The following CNOT1 variants were observed in gnomAD, a reference collection of about 807,000 sequenced individuals.
CNOT1 encodes the protein CCR4-NOT transcription complex subunit 1, also known as CCR4-associated factor 1.
Under a neutral mutation model 273.8 loss-of-function variants are expected in CNOT1, and 15 were observed. The observed-to-expected ratio is 0.05, with a 90% CI of 0.04 to 0.08. The LOEUF is 0.08. CNOT1 is among the 10% of genes least tolerant of loss of function. The pLI, the probability that CNOT1 is intolerant of heterozygous loss-of-function variation, is 1.00. For synonymous variants in CNOT1, 1,022 were observed against 1,005.5 expected, an observed-to-expected ratio of 1.02 and a Z score of -0.31; for missense variants, 1,644 against 2,912.2, an observed-to-expected ratio of 0.56 and a Z score of 10.02.
intron 1 of CNOT1, among the ~76,000 whole-genome samples, chr16:58,608,967 T>C (rs892459954): frequency 1.3e-5 from 2 of 152,010 alleles, no homozygotes; most frequent in South Asian, 2.1e-4. Flanking sequence ...TTCAGGAGGA[T>C]TGGGGATTCA....
intron 16 of CNOT1, among the ~76,000 whole-genome samples, chr16:58,570,374 A>C (rs771337007): frequency 1.4e-4 from 21 of 152,180 alleles, no homozygotes; most frequent in Admixed American, 4.6e-4. Flanking sequence ...GCAGTGGCTC[A>C]TTTCTGTAAT....
chr16:58,606,336 C>A (rs1460888193), intron 1 of CNOT1, among the ~76,000 whole-genome samples: 1 of 152,014 alleles, frequency 6.6e-6, no homozygotes, highest in Non-Finnish European at 1.5e-5. Flanking sequence ...AAAAAGATCG[C>A]CTGAGCCCAG....
At chr16:58,594,919 G>A (rs755284253) in intron 2 of CNOT1, among the ~76,000 whole-genome samples, 78 of 151,686 alleles carry the variant, frequency 5.1e-4, no homozygotes, top group Admixed American at 9.2e-4. Flanking sequence ...GTTCAAGACC[G>A]GCCTGGCCAA....
chr16:58,537,908 T>C lies in CNOT1; in HGVS notation c.5397A>G (p.Arg1799=). 1 of 1,614,200 alleles carries C rather than the reference T, an allele frequency of 6.2e-7. No individual in the cohort carries two copies. The highest frequency in any genetic ancestry group is 8.5e-7 in the Non-Finnish European group (1 of 1,180,034). ...ETLMRINAHS[R]GNAPEGLPQL... is the part of the protein sequence containing the mutation. ...ATCCTCACCCTTCTGGAGCATTGCC[T>C]CTGGAATGAGCATTAATCCTCATGA... Residue 1799 remains arginine, a synonymous_variant, in exon 38 of 49, where the codon AGA becomes AGG. Coordinates refer to ENST00000317147, the MANE Select transcript of CNOT1 (RefSeq NM_016284.5).
intron 46 of CNOT1, 117 bp downstream of exon 46, chr16:58,525,062 T>C: frequency 1.1e-6 from 1 of 934,938 alleles, no homozygotes; most frequent in East Asian, 2.4e-5. Context: ...TGTGAATAAA[T>C]ATACTGACAG....
chr16:58,542,526 C>T lies in CNOT1; in HGVS notation c.4477G>A (p.Ala1493Thr). 6.5e-7 allele frequency: 1 copy of T among 1,537,536 alleles called. No individual in the cohort carries two copies. The highest frequency in any genetic ancestry group is 8.8e-7 in the Non-Finnish European group (1 of 1,137,252). Residue 1493 changes from alanine (A) to threonine (T), a missense_variant, in exon 32 of 49, where the codon GCT (alanine) becomes ACT (threonine). By Grantham distance (58) the Ala-to-Thr change is moderately conservative. Around this residue, in one of 13 missense-constraint regions of CNOT1, gnomAD observed 133 missense variants for 230.4 expected, o/e 0.58. Transcript: ENST00000317147. The part of the protein sequence containing the change: ...QQREMMDQAA[A>T]QLAQDNCELA... ...TCACAATTGTCCTGAGCTAATTGAG[C>T]AGCTGCCTGATCCATCATTTCTCTT... is the stretch of plus-strand genomic sequence containing the variant.
chr16:58,533,732 G>A (rs1307724226), intron 40 of CNOT1, among the ~76,000 whole-genome samples: 2 of 152,212 alleles, frequency 1.3e-5, no homozygotes, highest in Non-Finnish European at 2.9e-5. Flanking sequence ...GGCTGAGGTA[G>A]GAGAACGGTG....
intron 16 of CNOT1, among the ~76,000 whole-genome samples, chr16:58,561,980 A>G (rs1397859608): frequency 4.0e-5 from 6 of 151,784 alleles, no homozygotes; most frequent in Non-Finnish European, 7.4e-5. Flanking sequence ...CTCAGGTCAG[A>G]AGCTGAGGTC....
In CNOT1 at chr16:58,526,511, T is replaced by TAAAAAAA. The variant is rs57367601; in HGVS notation, c.6454-380_6454-374dup. On this transcript the variant is annotated intron_variant, in intron 44 of 48. Transcript: ENST00000317147. ...AAGACCAGACATCACACTTACTCCT[T>TAAAAAAA]AAAAAAAAAAAAAAAAAAAAAAAAA... Among the ~76,000 whole-genome samples the TAAAAAAA allele has an allele frequency of 1.0e-3, 82 of 80,808 alleles. 1 individual carries two copies. Among genetic ancestry groups the TAAAAAAA allele is most frequent in the African/African-American group, 4.1e-3 (77 of 18,712 alleles). 53.0% of individuals were successfully genotyped at this position (80,808 alleles called of 152,430 possible).
At chr16:58,536,711 GTTTTATTATTCA>G (rs2039941486) in intron 39 of CNOT1, among the ~76,000 whole-genome samples, 2 of 151,978 alleles carry the variant, frequency 1.3e-5, no homozygotes, top group Admixed American at 1.3e-4. Context: ...ACATTTGGTA[GTTTTATTATTCA>G]TTATCTGACC....
Position 58,538,214 on chromosome 16 carries a change from G to C in CNOT1, c.5188C>G (p.Leu1730Val), listed in dbSNP as rs2039978341. 6.7e-7 allele frequency: 1 copy of C among 1,493,684 alleles called. No homozygotes were observed. The highest frequency in any genetic ancestry group is 1.1e-5 in the South Asian group (1 of 88,798). 92.5% of individuals were successfully genotyped at this position (1,493,684 alleles called of 1,614,324 possible). Residue 1730 changes from leucine (L) to valine (V), a missense_variant, in exon 37 of 49, where the codon CTG (leucine) becomes GTG (valine). This residue lies in a region of CNOT1 where 170 missense variants were observed against 273.1 expected (regional missense o/e 0.62). Coordinates refer to ENST00000317147, the MANE Select transcript of CNOT1 (RefSeq NM_016284.5). ...TTAACCAAATGATTGCGAATTAGCA[G>C]CTCCACAGCCTCCACATTATATTTA... ...EYKYNVEAVE[L>V]LIRNHLVNMQ... is the part of the protein sequence containing the mutation.
chr16:58,610,564 C>T (rs920818513), intron 1 of CNOT1, among the ~76,000 whole-genome samples: 10 of 152,068 alleles, frequency 6.6e-5, no homozygotes, highest in African/African-American at 2.4e-4. Flanking sequence ...AATTAAAAGG[C>T]GGGGCGCGGT....
rs1367839872 is a variant in CNOT1 at position 58,585,245 on chromosome 16, ATTAACT to A, written c.806+87_806+92del. 87 of 1,551,894 alleles carry A rather than the reference ATTAACT, an allele frequency of 5.6e-5. 1 individual carries two copies. The highest frequency in any genetic ancestry group is 3.3e-4 in the Admixed American group (16 of 49,014). ...GCATGCCTCTTGAGAAGAAAAGATG[ATTAACT>A]TTAAGGAATTTTAGAGACTTTTTTT... On this transcript the variant is annotated intron_variant, in intron 8 of 48. Coordinates refer to ENST00000317147, the MANE Select transcript of CNOT1 (RefSeq NM_016284.5).
rs897282482 is a variant in CNOT1, at chr16:58,520,594, A to G, written c.*364T>C. 23 of 235,252 alleles carry G rather than the reference A, an allele frequency of 9.8e-5. No homozygotes were observed. The highest frequency in any genetic ancestry group is 3.3e-4 in the South Asian group (4 of 12,000). The allele number at this position is 235,252 out of a possible 1,614,324, so 14.6% of individuals were successfully genotyped here. A position where few individuals can be genotyped will look rare whatever the true frequency, so the allele number is the denominator to read the frequency against. On this transcript the variant is annotated 3_prime_UTR_variant, in exon 49 of 49. Transcript: ENST00000317147. ...TCAGAAGACATGGAGCTATGCCCTC[A>G]GACAAGTGCATGGCATCAGCTGCCT...
chr16:58,558,756 C>T, intron 17 of CNOT1, 82 bp from the exon 18 acceptor site: 1 of 1,524,382 alleles, frequency 6.6e-7, no homozygotes, highest in Non-Finnish European at 8.8e-7. Context: ...AACAACAGCT[C>T]TTCATAATCT....
At position 58,580,755 on chromosome 16, in the gene CNOT1, G is replaced by C; in HGVS notation, c.1221C>G (p.Ser407=). The C allele has an allele frequency of 1.2e-6, 2 of 1,609,282 alleles. No homozygotes were observed. Among genetic ancestry groups the C allele is most frequent in the East Asian group, 4.5e-5 (2 of 44,658 alleles). The change falls in exon 12 of 49, where the codon TCC becomes TCG. Residue 407 remains serine, a synonymous_variant. Coordinates refer to ENST00000317147, the MANE Select transcript of CNOT1 (RefSeq NM_016284.5). ...RPWKHAEGQL[S]FIQHSLINPE... ...GATTTATAAGGGAATGTTGAATGAA[G>C]GAGAGCTGCAATGAAAGAAAATGCT...
At chr16:58,585,763 G>A (rs551479448) in intron 7 of CNOT1, among the ~76,000 whole-genome samples, 5 of 152,104 alleles carry the variant, frequency 3.3e-5, no homozygotes, top group Non-Finnish European at 5.9e-5. Flanking sequence ...TGACCAATTC[G>A]TACCCTAAAT....
chr16:58,527,634 A>G (rs935912502), intron 44 of CNOT1, among the ~76,000 whole-genome samples: 10 of 152,368 alleles, frequency 6.6e-5, no homozygotes, highest in African/African-American at 2.2e-4. Context: ...ATAGCATTAC[A>G]CTACATTAGG....
At chr16:58,551,402 G>T in intron 23 of CNOT1, 130 bp from the exon 24 acceptor site, 1 of 1,204,998 alleles carries the variant, frequency 8.3e-7, no homozygotes, top group Non-Finnish European at 1.2e-6. Context: ...ATGTAGGCAA[G>T]AATAGTGAAC....
Sources: gnomAD v4.1 joint callset for allele counts (sites outside exome capture counted in the v4.1 genomes callset) on GRCh38, gnomAD v4.1.1 for gene constraint, gnomAD v4.1.1 regional missense constraint, MANE v1.5 for transcripts, NCBI Gene and HGNC (gene_info 2026-07-23, HGNC 2026-07-21) for gene names.